The following LATS2 variants were observed in gnomAD, a reference collection of about 807,000 sequenced individuals.
LATS2 encodes serine/threonine-protein kinase LATS2.
A neutral mutation model predicts 76.0 loss-of-function variants in LATS2; 24 were observed. The observed-to-expected ratio is 0.32, with a 90% CI of 0.23 to 0.44. LATS2 has a LOEUF of 0.44. LATS2 is among the 20% of genes least tolerant of loss of function. The probability of loss-of-function intolerance (pLI) is 1.00; values close to 1 mark genes in which losing one functional copy is unlikely to be tolerated. For missense variants in LATS2, 1,286 were observed against 1,481.2 expected, an observed-to-expected ratio of 0.87 and a Z score of 2.16; for synonymous variants, 692 against 635.4, an observed-to-expected ratio of 1.09 and a Z score of -1.34.
At chr13:20,992,393 T>C (rs1444867124) in intron 2 of LATS2, among the ~76,000 whole-genome samples, 2 of 152,104 alleles carry the variant, frequency 1.3e-5, no homozygotes, top group Non-Finnish European at 2.9e-5. Flanking sequence ...GGTGCAGAGC[T>C]GGAGGCACTC....
At position 20,975,371 on chromosome 13, in the gene LATS2, AAAC is replaced by A. The variant is rs754554285; in HGVS notation, c.2773-10_2773-8del. ...TGTTCTCCCAGTTGATCACCTGAGG[AAAC>A]AACAGAGCCAACAGGTTAGTTTCTC... On this transcript the variant is annotated splice_polypyrimidine_tract_variant and splice_region_variant and intron_variant, in intron 7 of 7. Coordinates refer to ENST00000382592, the MANE Select transcript of LATS2 (RefSeq NM_014572.3). The A allele has an allele frequency of 1.3e-5, 20 of 1,541,712 alleles. No individual in the cohort carries two copies. In the Admixed American group the frequency reaches 4.1e-4, roughly 32 times the overall value.
chr13:20,989,336 G>C, intron 3 of LATS2, 32 bp from the exon 4 acceptor site: 1 of 1,611,078 alleles, frequency 6.2e-7, no homozygotes, highest in African/African-American at 1.3e-5. Flanking sequence ...GACAGCATCA[G>C]AGTGGGTGTG....
intron 2 of LATS2, among the ~76,000 whole-genome samples, chr13:21,011,003 G>A (rs1348579443): frequency 2.0e-5 from 3 of 152,244 alleles, no homozygotes; most frequent in African/African-American, 7.2e-5. Flanking sequence ...TCCCTGGTTT[G>A]CAAACTGCTC....
intron 7 of LATS2, among the ~76,000 whole-genome samples, chr13:20,977,069 A>G (rs1482122810): frequency 6.6e-6 from 1 of 152,142 alleles, no homozygotes; most frequent in Non-Finnish European, 1.5e-5. Flanking sequence ...TAAACTAGAC[A>G]CAAAAAGACA....
chr13:21,048,294 G>A (rs1039366992), intron 1 of LATS2, among the ~76,000 whole-genome samples: 12 of 152,330 alleles, frequency 7.9e-5, no homozygotes, highest in South Asian at 2.1e-4. Flanking sequence ...GGAAGAGGCA[G>A]TAGAGTTCTT....
intron 2 of LATS2, among the ~76,000 whole-genome samples, chr13:21,040,433 T>C (rs1198449862): frequency 6.7e-6 from 1 of 149,054 alleles, no homozygotes. Context: ...GCTGTGGAAG[T>C]TTGAATAGGA....
chr13:21,051,849 C>G (rs1873282951), intron 1 of LATS2, among the ~76,000 whole-genome samples: 1 of 150,488 alleles, frequency 6.6e-6, no homozygotes, highest in South Asian at 2.1e-4. Context: ...CCCAGCTACT[C>G]CGGAGGCTGA....
intron 1 of LATS2, among the ~76,000 whole-genome samples, chr13:21,060,676 C>G (rs865849424): frequency 6.0e-4 from 91 of 151,670 alleles, no homozygotes; most frequent in African/African-American, 2.0e-3. Flanking sequence ...GCGCAGCCAC[C>G]GGGGGCTGAG....
At chr13:21,059,321 G>A (rs1207459546) in intron 1 of LATS2, among the ~76,000 whole-genome samples, 1 of 152,198 alleles carries the variant, frequency 6.6e-6, no homozygotes, top group Non-Finnish European at 1.5e-5. Flanking sequence ...CTCTTGGCTG[G>A]GTGCGGTGGC....
intron 2 of LATS2, among the ~76,000 whole-genome samples, chr13:21,008,331 C>T (rs1487326409): frequency 2.0e-5 from 3 of 147,688 alleles, no homozygotes; most frequent in African/African-American, 2.5e-5. Flanking sequence ...CAGCCTTGGG[C>T]GTGGGGTGGG....
At position 21,045,762 on chromosome 13, in the gene LATS2, T is replaced by G. The variant is rs1331263616; in HGVS notation, c.265A>C (p.Asn89His). ...GCAGCTGCAGAGGTGCCCGATTCAT[T>G]AGCAAAAGGCAACAAGGAATATCTG... ...EIRYSLLPFA[N>H]ESGTSAAAEV... Residue 89 changes from asparagine (N) to histidine (H), a missense_variant, in exon 2 of 8, where the codon AAT becomes CAT. By Grantham distance (68) the Asn-to-His change is moderately conservative. Around this residue, in one of 5 missense-constraint regions of LATS2, gnomAD observed 101 missense variants for 141.4 expected, o/e 0.71. Transcript: ENST00000382592. 6.2e-7 allele frequency: 1 copy of G among 1,614,214 alleles called. No individual in the cohort carries two copies. Among genetic ancestry groups the G allele is most frequent in the East Asian group, 2.2e-5 (1 of 44,878 alleles).
At chr13:20,996,799 A>G (rs967747240) in intron 2 of LATS2, among the ~76,000 whole-genome samples, 4 of 152,174 alleles carry the variant, frequency 2.6e-5, no homozygotes, top group African/African-American at 7.2e-5. Flanking sequence ...GGGAGCCACA[A>G]TGGTTACAAA....
chr13:20,990,466 T>TTTTTTA (rs1870458343), intron 3 of LATS2, among the ~76,000 whole-genome samples: 1 of 124,048 alleles, frequency 8.1e-6, no homozygotes, highest in Admixed American at 7.9e-5. Flanking sequence ...CTAGGATTTT[T>TTTTTTA]TTTTTTTTTT....
In LATS2 at chr13:20,981,459, C is replaced by T. The variant is rs757012449; in HGVS notation, c.2665+7G>A. 1.9e-6 allele frequency: 3 copies of T among 1,611,426 alleles called. No homozygotes were observed. The highest frequency in any genetic ancestry group is 2.5e-6 in the Non-Finnish European group (3 of 1,178,642). ...TCCTGCGGGGTGGCTGGCCATGGCGCATGTACCTTTGCGGAGGAGCACCTC... is the reference window on the plus strand; with the variant it reads ...TCCTGCGGGGTGGCTGGCCATGGCGTATGTACCTTTGCGGAGGAGCACCTC... On this transcript the variant is annotated splice_region_variant and intron_variant, in intron 6 of 7. Coordinates refer to ENST00000382592, the MANE Select transcript of LATS2 (RefSeq NM_014572.3).
chr13:21,022,703 A>T (rs1318514368), intron 2 of LATS2, among the ~76,000 whole-genome samples: 2 of 152,210 alleles, frequency 1.3e-5, no homozygotes, highest in African/African-American at 2.4e-5. Context: ...GAGAGAGATG[A>T]GGACTATGAA....
intron 2 of LATS2, among the ~76,000 whole-genome samples, chr13:20,992,368 C>T (rs903085330): frequency 7.2e-5 from 11 of 152,306 alleles, no homozygotes; most frequent in Non-Finnish European, 1.3e-4. Flanking sequence ...GCAGGTCAGG[C>T]TGGGGGCGGC....
rs770483804 is a variant in LATS2, at chr13:20,974,927, A to G, written c.3210T>C (p.Asp1070=). The change falls in exon 8 of 8, where the codon GAT becomes GAC. Residue 1070 remains aspartate (D), a synonymous_variant. Transcript: ENST00000382592. The part of the protein sequence containing the change: ...GAEASQAESS[D]LESSDLVDQT... ...GATCCACCAGATCAGAGCTTTCTAA[A>G]TCTGAGCTCTCAGCCTGTGAAGCTT... 4.3e-6 allele frequency: 7 copies of G among 1,614,118 alleles called. No homozygotes were observed. The highest frequency in any genetic ancestry group is 1.7e-5 in the Admixed American group (1 of 60,030).
rs560959731 is a variant in LATS2 at position 20,999,816 on chromosome 13, G to A, written c.343-8412C>T. Among the ~76,000 whole-genome samples, 64 of 148,528 alleles carry A rather than the reference G, an allele frequency of 4.3e-4. No individual in the cohort carries two copies. The South Asian group carries it at 8.5e-3, about 20-fold the overall frequency. On this transcript the variant is annotated intron_variant, in intron 2 of 7. Transcript: ENST00000382592. ...AATCCTTGGCCTTGCCAATGATCAC[G>A]AGACCAGCCTGGACAATGTGGTGAA...
chr13:21,007,494 C>A (rs1312220301), intron 2 of LATS2, among the ~76,000 whole-genome samples: 2 of 118,008 alleles, frequency 1.7e-5, no homozygotes, highest in African/African-American at 3.2e-5. Flanking sequence ...CAATCAGAGC[C>A]AAGGATAAGG....
Sources: allele counts gnomAD v4.1 joint callset (sites outside exome capture counted in the v4.1 genomes callset), GRCh38; gene constraint gnomAD v4.1.1; regional missense constraint gnomAD v4.1.1; transcripts MANE v1.5; gene names NCBI Gene and HGNC (gene_info 2026-07-23, HGNC 2026-07-21).